The following MALRD1 variants were observed in gnomAD, a reference collection of about 807,000 sequenced individuals.
MALRD1 encodes the protein MAM and LDL-receptor class A domain-containing protein 1.
A neutral mutation model predicts 242.1 loss-of-function variants in MALRD1; 247 were observed. The ratio of observed to expected loss-of-function variants is 1.02; its 90% CI spans 0.92 to 1.13. MALRD1 has a LOEUF of 1.13. Ranked by LOEUF, MALRD1 falls within the 50% of genes most tolerant of loss-of-function variation. The pLI, the probability that MALRD1 is intolerant of heterozygous loss-of-function variation, is 0.00. For synonymous variants in MALRD1, 995 were observed against 866.6 expected (o/e 1.15, Z -2.60); for missense variants, 2,989 against 2,533.1 (o/e 1.18, Z -3.86).
In MALRD1 at chr10:19,502,031, G is replaced by GAAAA. The variant is rs1370673228; in HGVS notation, c.5320+3386_5320+3389dup. 2.1e-3 allele frequency among the ~76,000 whole-genome samples: 275 copies of GAAAA among 132,328 alleles called. 13 individuals carry two copies. In the East Asian group the frequency reaches 0.045, roughly 22 times the overall value. The allele number at this position is 132,328 out of a possible 152,430, so 86.8% of individuals were successfully genotyped here. ...CTGTCTCAAAAAAAAAAAAAGAAAA[G>GAAAA]AAAAGAAAAGAAAAGAAAAGAAGAA... On this transcript the variant is annotated intron_variant, in intron 31 of 39. Coordinates refer to ENST00000454679, the MANE Select transcript of MALRD1 (RefSeq NM_001142308.3).
Position 19,146,180 on chromosome 10 carries a change from C to G in MALRD1, c.1412-18C>G, listed in dbSNP as rs1235466143. The G allele has an allele frequency of 2.4e-6, 3 of 1,231,440 alleles. No individual in the cohort carries two copies. The highest frequency in any genetic ancestry group is 3.1e-5 in the African/African-American group (2 of 64,394). 76.3% of individuals were successfully genotyped at this position (1,231,440 alleles called of 1,614,324 possible). ...CTCTTCATTTCTCCTCACCTGTTTT[C>G]TCTTCTACGTGTAACAGCAAAGCAT... On this transcript the variant is annotated intron_variant, in intron 10 of 39. Transcript: ENST00000454679.
chr10:19,314,769 C>A (rs1842570164), intron 21 of MALRD1, among the ~76,000 whole-genome samples: 1 of 151,338 alleles, frequency 6.6e-6, no homozygotes, highest in African/African-American at 2.4e-5. Flanking sequence ...TAACAGAGAC[C>A]ATATAGCCTT....
intron 32 of MALRD1, among the ~76,000 whole-genome samples, chr10:19,539,689 A>AT (rs1459685653): frequency 2.0e-5 from 3 of 150,888 alleles, no homozygotes; most frequent in South Asian, 2.1e-4. Flanking sequence ...TTGTTTTTTT[A>AT]TTTTTTTGTA....
intron 31 of MALRD1, among the ~76,000 whole-genome samples, chr10:19,499,836 G>A (rs1837889933): frequency 6.6e-6 from 1 of 152,160 alleles, no homozygotes; most frequent in Non-Finnish European, 1.5e-5. Context: ...AATGTATCAT[G>A]CTATTCAATT....
chr10:19,325,808 C>A (rs923445327), intron 22 of MALRD1, among the ~76,000 whole-genome samples: 1 of 151,994 alleles, frequency 6.6e-6, no homozygotes, highest in Non-Finnish European at 1.5e-5. Flanking sequence ...CAAGATTAGA[C>A]GTGAGTTTCC....
chr10:19,679,489 G>A (rs1842272796), intron 36 of MALRD1, among the ~76,000 whole-genome samples: 1 of 152,000 alleles, frequency 6.6e-6, no homozygotes, highest in Admixed American at 6.6e-5. Context: ...GTATTTCTGT[G>A]GGTTCAGTTG....
chr10:19,677,016 A>G (rs1454154312), intron 36 of MALRD1, among the ~76,000 whole-genome samples: 2 of 152,180 alleles, frequency 1.3e-5, no homozygotes, highest in African/African-American at 4.8e-5. Context: ...TTGTGGCTGC[A>G]TAGTATCCCA....
chr10:19,236,978 T>C (rs1838348013), intron 18 of MALRD1, among the ~76,000 whole-genome samples: 1 of 152,060 alleles, frequency 6.6e-6, no homozygotes, highest in Admixed American at 6.6e-5. Context: ...AAAATTGTTA[T>C]TTAATTCATT....
intron 18 of MALRD1, among the ~76,000 whole-genome samples, chr10:19,214,470 T>C (rs1055088664): frequency 6.6e-6 from 1 of 152,244 alleles, no homozygotes; most frequent in African/African-American, 2.4e-5. Context: ...TATTTATCAA[T>C]ACAGTCTGTT....
At chr10:19,417,413 A>C (rs911748528) in intron 28 of MALRD1, among the ~76,000 whole-genome samples, 2 of 152,154 alleles carry the variant, frequency 1.3e-5, no homozygotes, top group African/African-American at 4.8e-5. Context: ...AATACTTAAG[A>C]GTTTTTGAAA....
chr10:19,309,924 A>C (rs1453365567), intron 21 of MALRD1, among the ~76,000 whole-genome samples: 2 of 151,546 alleles, frequency 1.3e-5, no homozygotes, highest in East Asian at 3.9e-4. Context: ...GCAACACCTA[A>C]ATCCAAAGGG....
chr10:19,360,747 C>T (rs1386869045), intron 26 of MALRD1, among the ~76,000 whole-genome samples: 1 of 151,816 alleles, frequency 6.6e-6, no homozygotes, highest in Non-Finnish European at 1.5e-5. Flanking sequence ...CATTATTTAC[C>T]CAGTGCATCA....
chr10:19,586,609 A>G (rs1467449607), intron 33 of MALRD1, among the ~76,000 whole-genome samples: 1 of 152,214 alleles, frequency 6.6e-6, no homozygotes, highest in Non-Finnish European at 1.5e-5. Context: ...GTGTACTGGG[A>G]GAACCACTGC....
At chr10:19,488,789 G>A (rs920889191) in intron 29 of MALRD1, 1 of 293,680 alleles carries the variant, frequency 3.4e-6, no homozygotes. Context: ...GATCAGCCTC[G>A]GTCCCCACCT....
chr10:19,069,309 A>G (rs1835070914), intron 2 of MALRD1, among the ~76,000 whole-genome samples: 1 of 152,016 alleles, frequency 6.6e-6, no homozygotes, highest in African/African-American at 2.4e-5. Flanking sequence ...TGAAACATGT[A>G]CGCTATTAAA....
At chr10:19,068,932 G>T (rs1835059575) in intron 2 of MALRD1, among the ~76,000 whole-genome samples, 1 of 152,084 alleles carries the variant, frequency 6.6e-6, no homozygotes, top group Admixed American at 6.6e-5. Context: ...CTCAGGGAAA[G>T]AAGGATTAAA....
chr10:19,690,859 A>G (rs1213663107), intron 36 of MALRD1, among the ~76,000 whole-genome samples: 7 of 152,022 alleles, frequency 4.6e-5, no homozygotes, highest in Admixed American at 2.6e-4. Context: ...TTCTTTCTCC[A>G]TATGTCTTAG....
intron 21 of MALRD1, among the ~76,000 whole-genome samples, chr10:19,314,539 G>A (rs1842556846): frequency 6.6e-6 from 1 of 151,588 alleles, no homozygotes; most frequent in African/African-American, 2.4e-5. Context: ...GAATACTTAT[G>A]TAAATTTGAA....
intron 28 of MALRD1, among the ~76,000 whole-genome samples, chr10:19,413,999 A>G (rs16918692): frequency 0.049 from 7,403 of 151,412 alleles, 348 homozygotes; most frequent in African/African-American, 0.13. Context: ...TACCAATTGC[A>G]TTCCTCATAA....
Sources: gnomAD v4.1 joint callset for allele counts (sites outside exome capture counted in the v4.1 genomes callset) on GRCh38, gnomAD v4.1.1 for gene constraint, MANE v1.5 for transcripts, NCBI Gene and HGNC (gene_info 2026-07-23, HGNC 2026-07-21) for gene names.